PHACTR1: variants seen among roughly 807,000 people sequenced by gnomAD.
The protein encoded by PHACTR1 is phosphatase and actin regulator 1.
In PHACTR1, 16 loss-of-function variants were observed where a neutral mutation model predicts 69.2. That is an observed-to-expected ratio of 0.23 (90% CI 0.16 to 0.35). The LOEUF is 0.35. Among genes scored for constraint, PHACTR1 ranks in the 10% least tolerant of loss-of-function variants. PHACTR1 has a pLI of 1.00. For synonymous variants in PHACTR1, 312 were observed against 284.5 expected, an observed-to-expected ratio of 1.10 and a Z score of -0.97; for missense variants, 510 against 734.7, an observed-to-expected ratio of 0.69 and a Z score of 3.54.
chr6:13,155,589 T>G (rs1310861295), intron 5 of PHACTR1, among the ~76,000 whole-genome samples: 2 of 152,014 alleles, frequency 1.3e-5, no homozygotes, highest in East Asian at 3.9e-4. Flanking sequence ...AGAGAGATGG[T>G]AAGAAGAGAA....
chr6:12,863,190 G>A (rs1781114726), intron 4 of PHACTR1, among the ~76,000 whole-genome samples: 1 of 152,260 alleles, frequency 6.6e-6, no homozygotes, highest in Admixed American at 6.5e-5. Flanking sequence ...CTGCAATGAA[G>A]TACCACAGAC....
intron 4 of PHACTR1, among the ~76,000 whole-genome samples, chr6:12,925,164 A>G (rs560994404): frequency 1.6e-3 from 241 of 152,372 alleles, no homozygotes; most frequent in Non-Finnish European, 2.8e-3. Flanking sequence ...GAAATGTGCA[A>G]TGCAAACTTC....
intron 7 of PHACTR1, among the ~76,000 whole-genome samples, chr6:13,203,364 C>A (rs1332940183): frequency 1.3e-5 from 2 of 152,192 alleles, no homozygotes; most frequent in African/African-American, 4.8e-5. Flanking sequence ...TTCAGAGACC[C>A]TGTTTCATCA....
At chr6:13,143,133 G>C (rs568666837) in intron 5 of PHACTR1, among the ~76,000 whole-genome samples, 1 of 152,282 alleles carries the variant, frequency 6.6e-6, no homozygotes, top group Admixed American at 6.5e-5. Flanking sequence ...GGCTGGGAAG[G>C]GTAGTTGAGG....
chr6:12,732,425 G>A (rs1763664792), intron 3 of PHACTR1, among the ~76,000 whole-genome samples: 2 of 152,040 alleles, frequency 1.3e-5, no homozygotes, highest in African/African-American at 4.8e-5. Flanking sequence ...GTATACGTGT[G>A]TCATGGCGGT....
intron 4 of PHACTR1, among the ~76,000 whole-genome samples, chr6:12,834,212 C>T (rs1777901038): frequency 6.6e-6 from 1 of 152,130 alleles, no homozygotes; most frequent in African/African-American, 2.4e-5. Flanking sequence ...CAATGTCTAG[C>T]ACATAGGTAC....
At chr6:13,100,913 C>CA (rs1392075315) in intron 5 of PHACTR1, among the ~76,000 whole-genome samples, 1 of 152,146 alleles carries the variant, frequency 6.6e-6, no homozygotes, top group African/African-American at 2.4e-5. Flanking sequence ...AGCTACTTCT[C>CA]AGATAGTAGT....
intron 4 of PHACTR1, among the ~76,000 whole-genome samples, chr6:12,882,049 C>T (rs547098968): frequency 7.2e-5 from 11 of 152,134 alleles, no homozygotes; most frequent in African/African-American, 2.4e-4. Context: ...AGACAATGAA[C>T]GATAAGAACA....
At chr6:12,717,782 T>A (rs765558286) in intron 2 of PHACTR1, 39 bp downstream of exon 2, 3 of 152,238 alleles carry the variant, frequency 2.0e-5, no homozygotes, top group Non-Finnish European at 4.4e-5. Context: ...TGGGTATTTT[T>A]AAAAGTTTTG....
At chr6:13,117,979 A>C (rs897359382) in intron 5 of PHACTR1, among the ~76,000 whole-genome samples, 1 of 152,256 alleles carries the variant, frequency 6.6e-6, no homozygotes. Context: ...TTCACGTTGC[A>C]CACAGAATCT....
rs1398490123 is a variant in PHACTR1 at position 13,249,129 on chromosome 6, C to A, written c.1391+18936C>A. ...ATGCTCGTGTAGGGGTGCCCAAACCCCCAGGCTGTGGACTGGTATCAGTCT... is the reference window on the plus strand; with the variant it reads ...ATGCTCGTGTAGGGGTGCCCAAACCACCAGGCTGTGGACTGGTATCAGTCT... On this transcript the variant is annotated intron_variant, in intron 10 of 14. Coordinates refer to ENST00000332995, the MANE Select transcript of PHACTR1 (RefSeq NM_030948.6). Among the ~76,000 whole-genome samples, 3 of 151,960 alleles carry A rather than the reference C, an allele frequency of 2.0e-5. No individual in the cohort carries two copies. In the East Asian group the frequency reaches 5.8e-4, roughly 29 times the overall value.
At chr6:12,973,622 G>C (rs1005476293) in intron 4 of PHACTR1, among the ~76,000 whole-genome samples, 1 of 152,164 alleles carries the variant, frequency 6.6e-6, no homozygotes, top group Non-Finnish European at 1.5e-5. Flanking sequence ...CAACAGGTCA[G>C]TGTGTTGTTT....
intron 4 of PHACTR1, among the ~76,000 whole-genome samples, chr6:12,906,291 C>A (rs538353375): frequency 3.3e-5 from 5 of 152,182 alleles, no homozygotes; most frequent in Non-Finnish European, 2.9e-5. Flanking sequence ...ACTTGGCTTA[C>A]AATACATATA....
chr6:12,912,215 G>T (rs986869578), intron 4 of PHACTR1, among the ~76,000 whole-genome samples: 1 of 152,162 alleles, frequency 6.6e-6, no homozygotes, highest in Admixed American at 6.5e-5. Context: ...GGCCAGGCTG[G>T]TCTTGAACTC....
intron 4 of PHACTR1, among the ~76,000 whole-genome samples, chr6:12,992,943 CA>C (rs1162677262): frequency 1.3e-5 from 2 of 152,314 alleles, no homozygotes; most frequent in Non-Finnish European, 1.5e-5. Context: ...TTTTATTATG[CA>C]AATGGGTTCT....
intron 4 of PHACTR1, among the ~76,000 whole-genome samples, chr6:12,993,143 C>G (rs1363055991): frequency 6.6e-6 from 1 of 152,154 alleles, no homozygotes; most frequent in Admixed American, 6.6e-5. Flanking sequence ...ATTTTTCAGG[C>G]CGTTTTTTGT....
chr6:13,068,500 C>T (rs1003073889), intron 5 of PHACTR1, among the ~76,000 whole-genome samples: 14 of 152,118 alleles, frequency 9.2e-5, no homozygotes, highest in Admixed American at 4.6e-4. Context: ...GGTTTATTTC[C>T]TATTTTCAGT....
intron 8 of PHACTR1, among the ~76,000 whole-genome samples, chr6:13,221,989 C>T (rs1258605690): frequency 6.6e-6 from 1 of 151,418 alleles, no homozygotes; most frequent in Non-Finnish European, 1.5e-5. Flanking sequence ...GAGCCGAGAT[C>T]ACGCCACTGC....
intron 3 of PHACTR1, among the ~76,000 whole-genome samples, chr6:12,728,883 T>A (rs1006257249): frequency 2.6e-5 from 4 of 151,810 alleles, no homozygotes; most frequent in African/African-American, 9.7e-5. Context: ...ATTTAAGGAG[T>A]AATATTAAGT....
Sources: allele counts gnomAD v4.1 joint callset (sites outside exome capture counted in the v4.1 genomes callset), GRCh38; gene constraint gnomAD v4.1.1; transcripts MANE v1.5; gene names NCBI Gene and HGNC (gene_info 2026-07-23, HGNC 2026-07-21).